DAPK1: variants seen among roughly 807,000 people sequenced by gnomAD.
DAPK1 encodes death associated protein kinase 1, also known as death-associated protein kinase 1.
Under a neutral mutation model 144.9 loss-of-function variants are expected in DAPK1, and 56 were observed. The observed-to-expected ratio is 0.39, with a 90% CI of 0.31 to 0.48. DAPK1 has a LOEUF of 0.48. Ranked by LOEUF, DAPK1 falls within the 20% of genes least tolerant of loss-of-function variation. The pLI, the probability that DAPK1 is intolerant of heterozygous loss-of-function variation, is 0.95. For synonymous variants in DAPK1, 690 were observed against 749.0 expected (o/e 0.92, Z 1.29); for missense variants, 1,454 against 1,875.4 (o/e 0.78, Z 4.15).
chr9:87,659,597 G>A (rs1041860677), intron 18 of DAPK1, among the ~76,000 whole-genome samples: 7 of 152,174 alleles, frequency 4.6e-5, no homozygotes, highest in African/African-American at 1.7e-4. Flanking sequence ...CCCTCTGTAG[G>A]GTCCCTCCGT....
At chr9:87,538,066 A>G (rs1476536380) in intron 2 of DAPK1, among the ~76,000 whole-genome samples, 1 of 152,226 alleles carries the variant, frequency 6.6e-6, no homozygotes, top group Non-Finnish European at 1.5e-5. Context: ...AAAGGATTCT[A>G]ATTAAAGTTA....
intron 2 of DAPK1, among the ~76,000 whole-genome samples, chr9:87,559,771 G>C (rs995557429): frequency 2.6e-5 from 4 of 152,142 alleles, no homozygotes; most frequent in Admixed American, 1.3e-4. Flanking sequence ...GTCTACAATA[G>C]TCCCGGGTGT....
chr9:87,511,605 A>G (rs1485099170), intron 2 of DAPK1, among the ~76,000 whole-genome samples: 1 of 151,942 alleles, frequency 6.6e-6, no homozygotes, highest in Admixed American at 6.6e-5. Flanking sequence ...CTATGTGAGC[A>G]CATAAATTCG....
At chr9:87,622,708 C>G (rs185817621) in intron 3 of DAPK1, among the ~76,000 whole-genome samples, 124 of 152,098 alleles carry the variant, frequency 8.2e-4, no homozygotes, top group African/African-American at 2.9e-3. Context: ...CTCAGGAGTT[C>G]AAGACCAGCC....
chr9:87,583,987 A>G (rs1827842633), intron 2 of DAPK1, among the ~76,000 whole-genome samples: 1 of 152,198 alleles, frequency 6.6e-6, no homozygotes, highest in Admixed American at 6.5e-5. Flanking sequence ...TTTATTTAAT[A>G]TTGGGGCTGG....
At chr9:87,526,087 C>G (rs4877362) in intron 2 of DAPK1, among the ~76,000 whole-genome samples, 2 of 150,874 alleles carry the variant, frequency 1.3e-5, no homozygotes, top group Non-Finnish European at 2.9e-5. Flanking sequence ...GCAAGAGGAT[C>G]GCTTACAGCC....
chr9:87,550,144 C>T (rs976398196), intron 2 of DAPK1, among the ~76,000 whole-genome samples: 20 of 152,278 alleles, frequency 1.3e-4, no homozygotes, highest in South Asian at 4.1e-4. Context: ...AAACATTAAC[C>T]GTCACCCTAG....
intron 2 of DAPK1, among the ~76,000 whole-genome samples, chr9:87,508,221 A>G (rs1554674376): frequency 6.6e-6 from 1 of 151,632 alleles, no homozygotes; most frequent in Non-Finnish European, 1.5e-5. Context: ...CATGATGGCC[A>G]GGCTGATCTG....
At chr9:87,521,517 A>T (rs775790164) in intron 2 of DAPK1, among the ~76,000 whole-genome samples, 1 of 152,206 alleles carries the variant, frequency 6.6e-6, no homozygotes, top group Non-Finnish European at 1.5e-5. Context: ...GCATTGAAGA[A>T]TCACAGGAAA....
At position 87,571,485 on chromosome 9, in the gene DAPK1, AC is replaced by A. The variant is rs1564000964; in HGVS notation, c.63-33468del. Among the ~76,000 whole-genome samples, 81 of 59,630 alleles carry A rather than the reference AC, an allele frequency of 1.4e-3. 13 individuals are homozygous for A. Among genetic ancestry groups the A allele is most frequent in the Middle Eastern group, 0.014 (2 of 148 alleles). 39.1% of individuals were successfully genotyped at this position (59,630 alleles called of 152,430 possible). A position where few individuals can be genotyped will look rare whatever the true frequency, so the allele number is the denominator to read the frequency against. On this transcript the variant is annotated intron_variant, in intron 2 of 25. Transcript: ENST00000408954. ...CACACACACACACACCAACACACAC[AC>A]ACACACACCCCAACACACACACACA...
In DAPK1 at chr9:87,633,046, G is replaced by A. The variant is rs1409709011; in HGVS notation, c.285-4897G>A. The A allele has an allele frequency of 7.2e-6, 7 of 978,800 alleles. No individual in the cohort carries two copies. The East Asian group carries it at 6.9e-4, about 97-fold the overall frequency. 60.6% of individuals were successfully genotyped at this position (978,800 alleles called of 1,614,324 possible). ...TATATATGTAGGGATGAAGGAGGAT[G>A]AGTATATATGTAAGATGAAGGAAGA... is the stretch of plus-strand genomic sequence containing the variant. On this transcript the variant is annotated intron_variant, in intron 3 of 25. Coordinates refer to ENST00000408954, the MANE Select transcript of DAPK1 (RefSeq NM_004938.4).
chr9:87,527,035 A>AAAG (rs770311852), intron 2 of DAPK1, among the ~76,000 whole-genome samples: 2 of 152,344 alleles, frequency 1.3e-5, no homozygotes, highest in Non-Finnish European at 1.5e-5. Flanking sequence ...TTTGACTGTG[A>AAAG]AAGAGGACAC....
chr9:87,606,143 A>T (rs183966764), intron 3 of DAPK1, among the ~76,000 whole-genome samples: 175 of 152,256 alleles, frequency 1.1e-3, no homozygotes, highest in Admixed American at 0.011. Flanking sequence ...TTCTTTGCAG[A>T]TACCTTAGGG....
intron 12 of DAPK1, 142 bp from the exon 13 acceptor site, chr9:87,646,319 A>C (rs1830263867): frequency 1.5e-6 from 1 of 673,436 alleles, no homozygotes. Context: ...ATACCCTTCC[A>C]CCTGTCTTCT....
At chr9:87,563,226 G>T (rs2118672531) in intron 2 of DAPK1, among the ~76,000 whole-genome samples, 1 of 152,320 alleles carries the variant, frequency 6.6e-6, no homozygotes, top group South Asian at 2.1e-4. Flanking sequence ...GCATTTGTCA[G>T]AATTTAGTCA....
intron 3 of DAPK1, among the ~76,000 whole-genome samples, chr9:87,630,457 T>C (rs1310854653): frequency 6.6e-6 from 1 of 152,140 alleles, no homozygotes; most frequent in African/African-American, 2.4e-5. Context: ...GGGATCTACA[T>C]TCCTTCTACC....
At position 87,639,814 on chromosome 9, in the gene DAPK1, C is replaced by T; in HGVS notation, c.628C>T (p.Leu210Phe). The change falls in exon 7 of 26, where the codon CTC (leucine) becomes TTC (phenylalanine). Residue 210 changes from leucine to phenylalanine, a missense_variant and splice_region_variant. Physicochemically the swap from Leu to Phe is conservative, Grantham distance 22. Around this residue, in one of 2 missense-constraint regions of DAPK1, gnomAD observed 429 missense variants for 637.5 expected, o/e 0.67. Coordinates refer to ENST00000408954, the MANE Select transcript of DAPK1 (RefSeq NM_004938.4). ...GAGTATCGGGGTAATAACCTATATC[C>T]TGTAAGTATCAGAATTCACAACTCA... The part of the protein sequence containing the change: ...MWSIGVITYI[L>F]LSGASPFLGD... 1 of 1,613,222 alleles carries T rather than the reference C, an allele frequency of 6.2e-7. No individual in the cohort carries two copies. The highest frequency in any genetic ancestry group is 2.2e-5 in the East Asian group (1 of 44,852).
intron 1 of DAPK1, 31 bp from the exon 2 acceptor site, chr9:87,498,939 A>G: frequency 3.2e-6 from 2 of 632,632 alleles, no homozygotes; most frequent in East Asian, 2.7e-5. Flanking sequence ...CCATTTTACT[A>G]TTATTATTGC....
At chr9:87,594,816 T>A (rs1319420494) in intron 2 of DAPK1, among the ~76,000 whole-genome samples, 1 of 152,220 alleles carries the variant, frequency 6.6e-6, no homozygotes, top group Non-Finnish European at 1.5e-5. Context: ...TAGGCAGCCC[T>A]TTCACCAGTA....
Sources: gnomAD v4.1 joint callset for allele counts (sites outside exome capture counted in the v4.1 genomes callset) on GRCh38, gnomAD v4.1.1 for gene constraint, gnomAD v4.1.1 regional missense constraint, MANE v1.5 for transcripts, NCBI Gene and HGNC (gene_info 2026-07-23, HGNC 2026-07-21) for gene names.